GSTCD: variants seen among roughly 807,000 people sequenced by gnomAD.
GSTCD encodes glutathione S-transferase C-terminal domain-containing protein.
A neutral mutation model predicts 68.3 loss-of-function variants in GSTCD; 44 were observed. That is an observed-to-expected ratio of 0.64 (90% CI 0.51 to 0.83). The LOEUF (loss-of-function observed/expected upper bound fraction) is 0.83, where lower values mean the gene tolerates loss of function less well. Ranked by LOEUF, GSTCD falls within the 40% of genes least tolerant of loss-of-function variation. The pLI is 0.00. For synonymous variants in GSTCD, 273 were observed against 255.2 expected (o/e 1.07, Z -0.67); for missense variants, 739 against 735.9 (o/e 1.00, Z -0.05).
intron 5 of GSTCD, among the ~76,000 whole-genome samples, chr4:105,818,027 A>G (rs1275657189): frequency 6.6e-6 from 1 of 151,928 alleles, no homozygotes; most frequent in African/African-American, 2.4e-5. Flanking sequence ...TGTGCTTATC[A>G]GTCTCCTGGT....
intron 11 of GSTCD, 125 bp downstream of exon 11, chr4:105,842,259 T>C (rs989326436): frequency 8.8e-6 from 6 of 683,160 alleles, no homozygotes; most frequent in Non-Finnish European, 1.5e-5. Context: ...AAACTAAATA[T>C]GTTCTTCCCA....
At chr4:105,746,855 G>A (rs1334082426) in intron 5 of GSTCD, among the ~76,000 whole-genome samples, 4 of 152,212 alleles carry the variant, frequency 2.6e-5, no homozygotes, top group Non-Finnish European at 5.9e-5. Context: ...ACAAGGTAGT[G>A]ATGTATAACT....
chr4:105,823,255 C>T lies in GSTCD; in HGVS notation c.1381C>T (p.His461Tyr). Residue 461 changes from histidine to tyrosine, a missense_variant, in exon 7 of 12, where the codon CAC (histidine) becomes TAC (tyrosine). His to Tyr is a moderately conservative substitution (Grantham distance 83). Transcript: ENST00000515279. ...GGGHVGIVLA[H>Y]MLPSCQVTLI... is the part of the protein sequence containing the mutation. Reference sequence around the variant, plus strand: ...GGGCCATGTTGGAATTGTCCTTGCTCACATGCTGCCATCATGTCAGGTAAA... The same window carrying T: ...GGGCCATGTTGGAATTGTCCTTGCTTACATGCTGCCATCATGTCAGGTAAA... The T allele has an allele frequency of 1.2e-6, 2 of 1,613,698 alleles. No homozygotes were observed. Among genetic ancestry groups the T allele is most frequent in the Non-Finnish European group, 1.7e-6 (2 of 1,179,686 alleles).
chr4:105,847,116 A>G lies in GSTCD; in HGVS notation c.*1539A>G, dbSNP rs1001239476. On this transcript the variant is annotated 3_prime_UTR_variant, in exon 12 of 12. Transcript: ENST00000515279. ...TTCTTTTTCTGCCAGCCAACATTTT[A>G]AAAGACAAATGATGCATCCTTTCTC... The G allele has an allele frequency of 2.0e-5, 3 of 152,188 alleles. No homozygotes were observed. Among genetic ancestry groups the G allele is most frequent in the Non-Finnish European group, 2.9e-5 (2 of 68,014 alleles). The allele number at this position is 152,188 out of a possible 1,614,324, so 9.4% of individuals were successfully genotyped here.
At chr4:105,744,774 T>C (rs1733745925) in intron 5 of GSTCD, among the ~76,000 whole-genome samples, 1 of 152,196 alleles carries the variant, frequency 6.6e-6, no homozygotes, top group Non-Finnish European at 1.5e-5. Context: ...CCTGACTCCC[T>C]TTACTAGAGA....
At chr4:105,817,436 C>T (rs1201156551) in intron 5 of GSTCD, among the ~76,000 whole-genome samples, 1 of 151,736 alleles carries the variant, frequency 6.6e-6, no homozygotes, top group African/African-American at 2.4e-5. Context: ...AAAATGCCAT[C>T]ACACTGTTAA....
At chr4:105,713,807 C>T (rs1324739283) in intron 1 of GSTCD, among the ~76,000 whole-genome samples, 3 of 151,524 alleles carry the variant, frequency 2.0e-5, no homozygotes, top group African/African-American at 4.8e-5. Flanking sequence ...AGCAGTTATG[C>T]ACTTTTTGGT....
chr4:105,767,931 T>TG (rs1553961278), intron 5 of GSTCD, among the ~76,000 whole-genome samples: 1 of 151,564 alleles, frequency 6.6e-6, no homozygotes, highest in African/African-American at 2.4e-5. Context: ...GAAAATGATG[T>TG]GTTTTTTTTC....
At position 105,731,975 on chromosome 4, in the gene GSTCD, G is replaced by A. The variant is rs528069140; in HGVS notation, c.1240+2476G>A. ...TCATGTGGTTTTTGTCTTTGGTTCTGTTTATATGCTGGATTACGTTTATTG... is the reference window on the plus strand; with the variant it reads ...TCATGTGGTTTTTGTCTTTGGTTCTATTTATATGCTGGATTACGTTTATTG... On this transcript the variant is annotated intron_variant, in intron 5 of 11. Coordinates refer to ENST00000515279, the MANE Select transcript of GSTCD (RefSeq NM_001370181.1). 4.2e-3 allele frequency among the ~76,000 whole-genome samples: 645 copies of A among 152,214 alleles called. 7 individuals are homozygous for A. The highest frequency in any genetic ancestry group is 0.015 in the African/African-American group (606 of 41,522).
chr4:105,754,379 C>T (rs1320367322), intron 5 of GSTCD, among the ~76,000 whole-genome samples: 1 of 152,000 alleles, frequency 6.6e-6, no homozygotes, highest in African/African-American at 2.4e-5. Context: ...AAATAGACAA[C>T]CATCATTATT....
chr4:105,786,643 A>G (rs1350660232), intron 5 of GSTCD, among the ~76,000 whole-genome samples: 2 of 152,140 alleles, frequency 1.3e-5, no homozygotes, highest in Non-Finnish European at 2.9e-5. Context: ...TATTTCCATA[A>G]CAAAAGACAA....
intron 5 of GSTCD, among the ~76,000 whole-genome samples, chr4:105,775,897 T>C (rs1735040072): frequency 6.6e-6 from 1 of 152,176 alleles, no homozygotes; most frequent in African/African-American, 2.4e-5. Context: ...ATATGCTCTC[T>C]TCAGAGCCAA....
chr4:105,719,454 A>C lies in GSTCD; in HGVS notation c.821A>C (p.Glu274Ala). The change falls in exon 3 of 12, where the codon GAG becomes GCG. Residue 274 changes from glutamate to alanine, a missense_variant. Glu to Ala is a moderately radical substitution (Grantham distance 107). Transcript: ENST00000515279. ...KAKASDLPPL[E>A]HVFAEGLYFT... ...AAAGCCTCCGACCTTCCACCTCTGG[A>C]GCATGTGTTTGCAGAAGGGCTTTAC... The C allele has an allele frequency of 6.2e-7, 1 of 1,614,032 alleles. No homozygotes were observed. The highest frequency in any genetic ancestry group is 8.5e-7 in the Non-Finnish European group (1 of 1,179,976).
At chr4:105,832,688 A>C (rs6533218) in intron 8 of GSTCD, among the ~76,000 whole-genome samples, 92,568 of 152,084 alleles carry the variant, frequency 0.61, 33,816 homozygotes, top group East Asian at 0.9. Context: ...GGAGATAATA[A>C]AGTCTTTCAG....
At chr4:105,756,262 A>G (rs1734185658) in intron 5 of GSTCD, among the ~76,000 whole-genome samples, 1 of 152,026 alleles carries the variant, frequency 6.6e-6, no homozygotes, top group African/African-American at 2.4e-5. Context: ...TAACCACATA[A>G]ACATGATTGA....
chr4:105,750,031 A>C (rs1733952704), intron 5 of GSTCD, among the ~76,000 whole-genome samples: 1 of 152,236 alleles, frequency 6.6e-6, no homozygotes, highest in African/African-American at 2.4e-5. Flanking sequence ...ATGAACAGAC[A>C]TTTCACCACA....
chr4:105,768,263 C>G (rs1327076333), intron 5 of GSTCD, among the ~76,000 whole-genome samples: 2 of 152,034 alleles, frequency 1.3e-5, no homozygotes, highest in African/African-American at 4.8e-5. Context: ...ATCTCCTGAC[C>G]TCGTGATCCG....
At chr4:105,824,829 G>A (rs1029923331) in intron 7 of GSTCD, among the ~76,000 whole-genome samples, 13 of 151,962 alleles carry the variant, frequency 8.6e-5, no homozygotes, top group Admixed American at 5.9e-4. Context: ...TGGAAATTGC[G>A]TACCAATTTT....
intron 3 of GSTCD, among the ~76,000 whole-genome samples, chr4:105,719,776 AAGTT>A (rs998443887): frequency 1.2e-4 from 18 of 152,282 alleles, no homozygotes; most frequent in African/African-American, 3.8e-4. Flanking sequence ...CTCTCAATCA[AAGTT>A]AGTAATTACT....
Sources: gnomAD v4.1 joint callset for allele counts (sites outside exome capture counted in the v4.1 genomes callset) on GRCh38, gnomAD v4.1.1 for gene constraint, MANE v1.5 for transcripts, NCBI Gene and HGNC (gene_info 2026-07-23, HGNC 2026-07-21) for gene names.